Variants in KIF1B observed in about 807,000 individuals in gnomAD.
The protein encoded by KIF1B is kinesin-like protein KIF1B.
A neutral mutation model predicts 241.9 loss-of-function variants in KIF1B; 76 were observed. The ratio of observed to expected loss-of-function variants is 0.31; its 90% CI spans 0.26 to 0.38. KIF1B has a LOEUF of 0.38. Among genes scored for constraint, KIF1B ranks in the 10% least tolerant of loss-of-function variants. KIF1B has a pLI of 1.00. For synonymous variants in KIF1B, 750 were observed against 796.7 expected (o/e 0.94, Z 0.99); for missense variants, 1,622 against 2,271.4 (o/e 0.71, Z 5.81).
chr1:10,217,280 A>C (rs1571082009), intron 1 of KIF1B, among the ~76,000 whole-genome samples: 1 of 149,334 alleles, frequency 6.7e-6, no homozygotes, highest in East Asian at 2.0e-4. Flanking sequence ...AGCCTTTTCT[A>C]CTGTTCTTGA....
At chr1:10,255,967 T>G (rs1569589009) in intron 2 of KIF1B, among the ~76,000 whole-genome samples, 1 of 148,880 alleles carries the variant, frequency 6.7e-6, no homozygotes, top group Non-Finnish European at 1.5e-5. Flanking sequence ...TTGTTGTTGT[T>G]TTTTTTTTTT....
chr1:10,375,828 CTT>C (rs1340931800), intron 48 of KIF1B, among the ~76,000 whole-genome samples: 3 of 66,542 alleles, frequency 4.5e-5, no homozygotes, highest in Admixed American at 2.4e-4. Flanking sequence ...AGTTTTTGCT[CTT>C]GTGTGGCCCA....
At chr1:10,368,221 C>G (rs1319892298) in intron 43 of KIF1B, among the ~76,000 whole-genome samples, 2 of 152,064 alleles carry the variant, frequency 1.3e-5, no homozygotes, top group African/African-American at 4.8e-5. Flanking sequence ...GCCTTGTATC[C>G]AGGGCTTCAT....
rs1460974657 is a variant in KIF1B, at chr1:10,365,816, G to GC, written c.4752+170dup. 6.6e-6 allele frequency among the ~76,000 whole-genome samples: 1 copy of GC among 152,168 alleles called. No homozygotes were observed. Among genetic ancestry groups the GC allele is most frequent in the Non-Finnish European group, 1.5e-5 (1 of 68,032 alleles). On this transcript the variant is annotated intron_variant, in intron 43 of 48. Transcript: ENST00000676179. This position sits in a 1 kb window ranked among gnomAD's most constrained non-coding sequence, Gnocchi z 4.0. ...TTCCTACCCTCAACAAGCTTACAGGGCCAGGCACAGTGCCTGATGCCTATT... is the reference window on the plus strand; with the variant it reads ...TTCCTACCCTCAACAAGCTTACAGGGCCCAGGCACAGTGCCTGATGCCTATT...
chr1:10,279,241 G>A, intron 14 of KIF1B, 103 bp downstream of exon 14: 1 of 718,574 alleles, frequency 1.4e-6, no homozygotes, highest in Admixed American at 2.2e-5. Context: ...ATCCTTACAG[G>A]GAAATCCCAG....
intron 37 of KIF1B, among the ~76,000 whole-genome samples, 167 bp downstream of exon 37, chr1:10,348,900 C>T (rs764189307): frequency 2.0e-5 from 3 of 152,168 alleles, no homozygotes; most frequent in African/African-American, 4.8e-5. Context: ...CTCAGGTTCC[C>T]GAGTAGCTGG....
At chr1:10,285,096 G>C (rs1475400732) in intron 15 of KIF1B, among the ~76,000 whole-genome samples, 1 of 152,144 alleles carries the variant, frequency 6.6e-6, no homozygotes, top group Non-Finnish European at 1.5e-5. Context: ...TCTCACAATA[G>C]GCGTCAGTGA....
At chr1:10,269,188 A>C (rs1289226701) in intron 7 of KIF1B, among the ~76,000 whole-genome samples, 1 of 152,106 alleles carries the variant, frequency 6.6e-6, no homozygotes, top group Non-Finnish European at 1.5e-5. Context: ...TTATTTGTTG[A>C]CTTATTTCTA....
At chr1:10,264,562 T>C (rs1648342600) in intron 5 of KIF1B, among the ~76,000 whole-genome samples, 1 of 152,240 alleles carries the variant, frequency 6.6e-6, no homozygotes, top group Non-Finnish European at 1.5e-5. Context: ...ACAGCAATGA[T>C]TGAAGAATCA....
intron 36 of KIF1B, among the ~76,000 whole-genome samples, chr1:10,348,331 G>T (rs1185126412): frequency 6.6e-6 from 1 of 152,052 alleles, no homozygotes. Flanking sequence ...ATACAATCAG[G>T]GCATGGTTGA....
chr1:10,332,876 A>G (rs1350802807), intron 27 of KIF1B, among the ~76,000 whole-genome samples: 1 of 147,848 alleles, frequency 6.8e-6, no homozygotes, highest in African/African-American at 2.5e-5. Context: ...CAGTGGTGCA[A>G]TTTTGGCTCA....
intron 27 of KIF1B, among the ~76,000 whole-genome samples, chr1:10,328,544 C>T (rs1651806387): frequency 1.3e-5 from 2 of 152,202 alleles, no homozygotes; most frequent in African/African-American, 4.8e-5. Flanking sequence ...AATAATGGGA[C>T]AATAATGCTT....
intron 19 of KIF1B, 34 bp downstream of exon 19, chr1:10,295,800 AT>A (rs1408770581): frequency 4.6e-6 from 7 of 1,514,574 alleles, no homozygotes; most frequent in Middle Eastern, 3.7e-4. Context: ...CAGCAACAAC[AT>A]TTTCATTTTA....
At chr1:10,263,344 C>T (rs911851951) in intron 5 of KIF1B, among the ~76,000 whole-genome samples, 22 of 151,154 alleles carry the variant, frequency 1.5e-4, no homozygotes. Context: ...CTCTCTCTCT[C>T]ACCGCCACCC....
Position 10,367,479 on chromosome 1 carries a change from G to A in KIF1B, c.4753-988G>A, listed in dbSNP as rs191796240. 6.3e-3 allele frequency among the ~76,000 whole-genome samples: 960 copies of A among 151,886 alleles called. 24 individuals are homozygous for A. The highest frequency in any genetic ancestry group is 3.9e-3 in the South Asian group (19 of 4,812). ...AGCACTTTGGGAGGCTGAGGTGGGCGGATTGTGAGGTCAAGAGATCACTAT... is the reference window on the plus strand; with the variant it reads ...AGCACTTTGGGAGGCTGAGGTGGGCAGATTGTGAGGTCAAGAGATCACTAT... On this transcript the variant is annotated intron_variant, in intron 43 of 48. Transcript: ENST00000676179.
chr1:10,230,759 T>C (rs1328949913), intron 1 of KIF1B: 1 of 152,168 alleles, frequency 6.6e-6, no homozygotes, highest in African/African-American at 2.4e-5. Flanking sequence ...AGAAGTTACT[T>C]ACTTGGATTC....
At chr1:10,288,709 C>A (rs201989755) in intron 15 of KIF1B, among the ~76,000 whole-genome samples, 1 of 114,288 alleles carries the variant, frequency 8.7e-6, no homozygotes, top group Non-Finnish European at 1.9e-5. Flanking sequence ...TCATCTTTCT[C>A]TTTTTTTTAA....
At chr1:10,278,933 T>C in intron 13 of KIF1B, 164 bp from the exon 14 acceptor site, 1 of 507,592 alleles carries the variant, frequency 2.0e-6, no homozygotes, top group Non-Finnish European at 3.6e-6. Flanking sequence ...TCTTATTGAT[T>C]AGAGTCCGAG....
At chr1:10,290,071 C>G (rs1286546325) in intron 15 of KIF1B, among the ~76,000 whole-genome samples, 3 of 152,142 alleles carry the variant, frequency 2.0e-5, no homozygotes, top group Non-Finnish European at 4.4e-5. Flanking sequence ...ACTTCTCTCT[C>G]TCTCTCTCTG....
Sources: gnomAD v4.1 joint callset for allele counts (sites outside exome capture counted in the v4.1 genomes callset) on GRCh38, gnomAD v4.1.1 for gene constraint, Gnocchi (gnomAD v3.1) non-coding constraint, MANE v1.5 for transcripts, NCBI Gene and HGNC (gene_info 2026-07-23, HGNC 2026-07-21) for gene names.